SCML2: variants seen among roughly 807,000 people sequenced by gnomAD.
The protein encoded by SCML2 is Scm polycomb group protein like 2, also known as sex comb on midleg-like protein 2.
SCML2 carries 6 observed loss-of-function variants against 48.4 expected under a neutral mutation model. The ratio of observed to expected loss-of-function variants is 0.12; its 90% CI spans 0.07 to 0.24. The LOEUF (loss-of-function observed/expected upper bound fraction) is 0.24, where lower values mean the gene tolerates loss of function less well. Ranked by LOEUF, SCML2 falls within the 10% of genes least tolerant of loss-of-function variation. The pLI, the probability that SCML2 is intolerant of heterozygous loss-of-function variation, is 1.00. For missense variants in SCML2, 377 were observed against 528.2 expected (o/e 0.71, Z 2.81); for synonymous variants, 181 against 189.5 (o/e 0.95, Z 0.37).
chrX:18,286,024 C>A (rs994052963), intron 7 of SCML2, among the ~76,000 whole-genome samples: 5 of 111,703 alleles, frequency 4.5e-5, no homozygotes, highest in African/African-American at 1.3e-4. Context: ...TGACTACTGG[C>A]AATTAAAATT....
At chrX:18,307,624 A>G (rs1480809900) in intron 6 of SCML2, among the ~76,000 whole-genome samples, 1 of 111,734 alleles carries the variant, frequency 8.9e-6, no homozygotes, top group Admixed American at 9.5e-5. Flanking sequence ...TATTTTCTGC[A>G]ACAAAACAAT....
intron 6 of SCML2, among the ~76,000 whole-genome samples, chrX:18,318,845 T>C (rs988302871): frequency 8.9e-6 from 1 of 112,240 alleles, no homozygotes; most frequent in South Asian, 3.7e-4. Context: ...TATGACTTGC[T>C]GTTCTGGGCT....
chrX:18,331,259 C>CAAAAAAAAAAA (rs35589774), intron 2 of SCML2, among the ~76,000 whole-genome samples: 4 of 16,265 alleles, frequency 2.5e-4, no homozygotes, highest in African/African-American at 9.7e-4. Context: ...GACTCCGTCT[C>CAAAAAAAAAAA]AAAAAAAAAA....
chrX:18,243,429 T>C (rs746879480), intron 13 of SCML2, among the ~76,000 whole-genome samples: 10 of 111,652 alleles, frequency 9.0e-5, no homozygotes, highest in Non-Finnish European at 1.9e-4. Context: ...ATTTCAATAA[T>C]CCCATTATTT....
rs754326831 is a variant in SCML2 at position 18,258,188 on chromosome X, G to C, written c.1129C>G (p.Gln377Glu). The change falls in exon 10 of 15, where the codon CAG becomes GAG. Residue 377 changes from glutamine (Q) to glutamate (E), a missense_variant. Physicochemically the swap from Gln to Glu is conservative, Grantham distance 29. Transcript: ENST00000251900. ...GGGCCGAAGTGGTCAGGCAGCTGCT[G>C]GATTCTCTTGGGATCCAGATGAGGG... ...FGPHLDPKRI[Q>E]QLPDHFGPGP... The C allele has an allele frequency of 1.7e-6, 2 of 1,211,516 alleles. No individual in the cohort carries two copies. The highest frequency in any genetic ancestry group is 2.2e-6 in the Non-Finnish European group (2 of 895,260).
At chrX:18,256,737 C>G (rs1400350389) in intron 11 of SCML2, 111 bp downstream of exon 11, 1 of 572,726 alleles carries the variant, frequency 1.7e-6, no homozygotes, top group Non-Finnish European at 2.6e-6. Flanking sequence ...TTATACATTT[C>G]TAATTAGTTC....
chrX:18,280,641 T>C (rs991312776), intron 7 of SCML2, among the ~76,000 whole-genome samples: 7 of 111,609 alleles, frequency 6.3e-5, no homozygotes, highest in South Asian at 7.4e-4. Context: ...ACAACACTCA[T>C]AGGCTCAAAG....
chrX:18,316,061 T>C (rs1230256237), intron 6 of SCML2, among the ~76,000 whole-genome samples: 1 of 111,592 alleles, frequency 9.0e-6, no homozygotes, highest in Non-Finnish European at 1.9e-5. Context: ...GGATTTAAGA[T>C]GATGATTCTA....
At chrX:18,312,988 T>C (rs773460442) in intron 6 of SCML2, among the ~76,000 whole-genome samples, 5 of 94,911 alleles carry the variant, frequency 5.3e-5, no homozygotes, top group South Asian at 9.1e-4. Flanking sequence ...CGTGTGTGTG[T>C]GTGTGTGTGT....
At position 18,288,923 on chromosome X, in the gene SCML2, G is replaced by A. The variant is rs182961381; in HGVS notation, c.730+16049C>T. Among the ~76,000 whole-genome samples the A allele has an allele frequency of 2.2e-3, 244 of 111,186 alleles. 1 individual carries two copies. The highest frequency in any genetic ancestry group is 7.5e-3 in the African/African-American group (230 of 30,614). On this transcript the variant is annotated intron_variant, in intron 7 of 14. Transcript: ENST00000251900. ...TTAAGGGGGGAGGAGTGGGAGGAGG[G>A]GACTAAGGGGACTGCTAAAGTAATT...
rs1219640957 is a variant in SCML2, at chrX:18,281,797, A to G, written c.731-15995T>C. Among the ~76,000 whole-genome samples the G allele has an allele frequency of 2.9e-4, 32 of 110,621 alleles. 2 individuals carry two copies. Among genetic ancestry groups the G allele is most frequent in the Non-Finnish European group, 1.9e-5 (1 of 52,917 alleles). ...CCAACCCCCAAAGCTAGCAGAAAAA[A>G]GAAATAACTAAAATTAAAGGCAAAT... On this transcript the variant is annotated intron_variant, in intron 7 of 14. Coordinates refer to ENST00000251900, the MANE Select transcript of SCML2 (RefSeq NM_006089.3).
intron 1 of SCML2, among the ~76,000 whole-genome samples, chrX:18,337,479 G>A (rs775959469): frequency 6.4e-5 from 7 of 109,028 alleles, no homozygotes; most frequent in Non-Finnish European, 1.3e-4. Context: ...TACTAATTTC[G>A]GACAGAGCAG....
At chrX:18,304,948 A>C (rs959162281) in intron 7 of SCML2, 24 bp downstream of exon 7, 1 of 1,190,975 alleles carries the variant, frequency 8.4e-7, no homozygotes, top group African/African-American at 1.8e-5. Context: ...AAGTAGAAGA[A>C]AAAGTAGTTA....
chrX:18,343,360 A>G (rs186844047), intron 1 of SCML2, among the ~76,000 whole-genome samples: 2 of 109,083 alleles, frequency 1.8e-5, no homozygotes, highest in East Asian at 2.9e-4. Flanking sequence ...GGAAAAAAAA[A>G]AGAGAGAGAG....
intron 12 of SCML2, 67 bp downstream of exon 12, chrX:18,247,702 A>G (rs1926499479): frequency 1.9e-5 from 16 of 837,909 alleles, no homozygotes; most frequent in Non-Finnish European, 2.8e-5. Flanking sequence ...TACCACCCCA[A>G]GAGTATACAT....
chrX:18,271,546 T>A lies in SCML2; in HGVS notation c.731-5744A>T, dbSNP rs140862016. Among the ~76,000 whole-genome samples, 595 of 109,177 alleles carry A rather than the reference T, an allele frequency of 5.4e-3. 2 individuals carry two copies. The highest frequency in any genetic ancestry group is 0.023 in the Middle Eastern group (5 of 214). The allele number at this position is 109,177 out of a possible 115,157, so 94.8% of individuals were successfully genotyped here. On this transcript the variant is annotated intron_variant, in intron 7 of 14. Transcript: ENST00000251900. ...ACAGGTGCTCTCTGACAGGGACTCT[T>A]GTTTAGAAAAAAAAAATCAGATGTG...
chrX:18,328,161 G>T (rs1051627852), intron 3 of SCML2, among the ~76,000 whole-genome samples: 9 of 111,149 alleles, frequency 8.1e-5, no homozygotes, highest in Non-Finnish European at 1.3e-4. Context: ...TTTTTGTACT[G>T]AATATAACCC....
intron 11 of SCML2, among the ~76,000 whole-genome samples, chrX:18,255,352 C>G (rs903494944): frequency 1.8e-5 from 2 of 112,235 alleles, no homozygotes; most frequent in African/African-American, 3.2e-5. Flanking sequence ...ACAGCAGGAA[C>G]TGAATTAAAA....
chrX:18,350,796 A>T (rs1289572911), intron 1 of SCML2, among the ~76,000 whole-genome samples: 1 of 111,309 alleles, frequency 9.0e-6, no homozygotes, highest in Non-Finnish European at 1.9e-5. Flanking sequence ...AGCCTAAGGT[A>T]CTTAGAGTCT....
Sources: allele counts gnomAD v4.1 joint callset (sites outside exome capture counted in the v4.1 genomes callset), GRCh38; gene constraint gnomAD v4.1.1; transcripts MANE v1.5; gene names NCBI Gene and HGNC (gene_info 2026-07-23, HGNC 2026-07-21).